Variants in TSPOAP1 observed in about 807,000 individuals in gnomAD.
TSPOAP1 encodes the protein peripheral-type benzodiazepine receptor-associated protein 1.
TSPOAP1 carries 87 observed loss-of-function variants against 197.0 expected under a neutral mutation model. The observed-to-expected ratio is 0.44, with a 90% CI of 0.37 to 0.53. The LOEUF (loss-of-function observed/expected upper bound fraction) is 0.53. TSPOAP1 is among the 20% of genes least tolerant of loss of function. The pLI is 0.00. For synonymous variants in TSPOAP1, 913 were observed against 998.9 expected (o/e 0.91, Z 1.62); for missense variants, 2,174 against 2,411.3 (o/e 0.90, Z 2.06).
In TSPOAP1 at chr17:58,309,854, C is replaced by T; in HGVS notation, c.3891+113G>A. ...TCTGCTTAGGACAGGGCCCAGGCCA[C>T]AGACCTAGAATGTTTCTGGCACTCA... On this transcript the variant is annotated intron_variant, in intron 21 of 31. Transcript: ENST00000343736. The surrounding 1 kb of genome is among the most constrained non-coding windows in gnomAD (Gnocchi z 5.0). 1 of 1,381,486 alleles carries T rather than the reference C, an allele frequency of 7.2e-7. No homozygotes were observed. Among genetic ancestry groups the T allele is most frequent in the Non-Finnish European group, 9.8e-7 (1 of 1,020,012 alleles). The allele number at this position is 1,381,486 out of a possible 1,614,324, so 85.6% of individuals were successfully genotyped here.
At position 58,328,001 on chromosome 17, in the gene TSPOAP1, C is replaced by T. The variant is rs1195147777; in HGVS notation, c.-81G>A. The T allele has an allele frequency of 2.4e-6, 3 of 1,239,540 alleles. No homozygotes were observed. The highest frequency in any genetic ancestry group is 3.3e-6 in the Non-Finnish European group (3 of 907,126). 76.8% of individuals were successfully genotyped at this position (1,239,540 alleles called of 1,614,324 possible). A position where few individuals can be genotyped will look rare whatever the true frequency, so the allele number is the denominator to read the frequency against. On this transcript the variant is annotated 5_prime_UTR_variant, in exon 1 of 32. Transcript: ENST00000343736. This position sits in a 1 kb window ranked among gnomAD's most constrained non-coding sequence, Gnocchi z 4.3. ...GGGGACTGGCGAGGGTCATGCCAGG[C>T]CAGCCCCTCTCCCCTCTGAGCTCTT... is the stretch of plus-strand genomic sequence containing the variant.
In TSPOAP1 at chr17:58,322,701, T is replaced by C. The variant is rs1350349791; in HGVS notation, c.1270A>G (p.Ser424Gly). The C allele has an allele frequency of 6.2e-7, 1 of 1,612,360 alleles. No individual in the cohort carries two copies. The highest frequency in any genetic ancestry group is 2.2e-5 in the East Asian group (1 of 44,852). ...TCCAGCTTGCTCTGCAGGCCCTGGCTCTTGCGAAGGGCTGAGTCCCTCTCC... is the reference window on the plus strand; with the variant it reads ...TCCAGCTTGCTCTGCAGGCCCTGGCCCTTGCGAAGGGCTGAGTCCCTCTCC... ...TQERDSALRKSQGLQSKLESL... is the reference protein window; with the variant it reads ...TQERDSALRKGQGLQSKLESL... Residue 424 changes from serine (S) to glycine (G), a missense_variant, in exon 9 of 32, where the codon AGC (serine) becomes GGC (glycine). By Grantham distance (56) the Ser-to-Gly change is moderately conservative (BLOSUM62 0). This residue lies in a region of TSPOAP1 where 1,933 missense variants were observed against 2,139.0 expected (regional missense o/e 0.90). Coordinates refer to ENST00000343736, the MANE Select transcript of TSPOAP1 (RefSeq NM_004758.4). The surrounding 1 kb of genome is among the most constrained non-coding windows in gnomAD (Gnocchi z 5.0).
rs1970739613 is a variant in TSPOAP1 at position 58,302,273 on chromosome 17, C to T, written c.*207G>A. 7.8e-7 allele frequency: 1 copy of T among 1,289,644 alleles called. No homozygotes were observed. The highest frequency in any genetic ancestry group is 1.0e-6 in the Non-Finnish European group (1 of 988,774). The allele number at this position is 1,289,644 out of a possible 1,614,324, so 79.9% of individuals were successfully genotyped here. ...CTGCAGGATGGGCCACAGCTTCACT[C>T]CTTCTTCCCAGAGCCCAGCCTCCTG... On this transcript the variant is annotated 3_prime_UTR_variant, in exon 32 of 32. Coordinates refer to ENST00000343736, the MANE Select transcript of TSPOAP1 (RefSeq NM_004758.4).
intron 14 of TSPOAP1, among the ~76,000 whole-genome samples, chr17:58,317,152 C>A (rs1371241582): frequency 1.3e-5 from 2 of 152,038 alleles, no homozygotes; most frequent in South Asian, 4.1e-4. Flanking sequence ...GCTGAGATTG[C>A]GCCACTGCAC....
At position 58,307,822 on chromosome 17, in the gene TSPOAP1, C is replaced by G; in HGVS notation, c.4831+20G>C. On this transcript the variant is annotated intron_variant, in intron 23 of 31. Transcript: ENST00000343736. Reference sequence around the variant, plus strand: ...AGCTCTGGCCGAGCAGCTCTAGCTCCAGCCCCATCAGGTGCTCACCTAGCT... The same window carrying G: ...AGCTCTGGCCGAGCAGCTCTAGCTCGAGCCCCATCAGGTGCTCACCTAGCT... The G allele has an allele frequency of 6.2e-7, 1 of 1,613,838 alleles. No homozygotes were observed. The highest frequency in any genetic ancestry group is 8.5e-7 in the Non-Finnish European group (1 of 1,179,944).
chr17:58,304,308 G>A lies in TSPOAP1; in HGVS notation c.*32+30C>T, dbSNP rs367657003. The A allele has an allele frequency of 1.5e-5, 24 of 1,586,224 alleles. No homozygotes were observed. Among genetic ancestry groups the A allele is most frequent in the East Asian group, 6.7e-5 (3 of 44,648 alleles). On this transcript the variant is annotated intron_variant, in intron 31 of 31. Coordinates refer to ENST00000343736, the MANE Select transcript of TSPOAP1 (RefSeq NM_004758.4). This position sits in a 1 kb window ranked among gnomAD's most constrained non-coding sequence, Gnocchi z 4.2. The stretch of plus-strand genomic sequence containing the variant: ...TGATTATGGTCAAGTGGGGGTGGAC[G>A]GTCACACAGGGGGGCAGTCCCCCAC...
chr17:58,320,537 C>A lies in TSPOAP1; in HGVS notation c.1467G>T (p.Leu489=). The change falls in exon 11 of 32, where the codon CTG becomes CTT. Residue 489 remains leucine, a synonymous_variant. Coordinates refer to ENST00000343736, the MANE Select transcript of TSPOAP1 (RefSeq NM_004758.4). ...AQREHEGAVQ[L]LESTLDSMQA... ...CCACTTCCAGGCGCCCTACCTCCAG[C>A]AGCTGCACGGCTCCTTCATGTTCCC... The A allele has an allele frequency of 1.3e-6, 2 of 1,512,284 alleles. No homozygotes were observed. Among genetic ancestry groups the A allele is most frequent in the Non-Finnish European group, 1.8e-6 (2 of 1,132,076 alleles). 93.7% of individuals were successfully genotyped at this position (1,512,284 alleles called of 1,614,324 possible).
intron 13 of TSPOAP1, 75 bp downstream of exon 13, chr17:58,319,015 G>T: frequency 7.1e-7 from 1 of 1,404,254 alleles, no homozygotes; most frequent in Non-Finnish European, 9.4e-7. Flanking sequence ...GGCCTTCTCT[G>T]ATCCTGAACT....
At chr17:58,305,342 C>A (rs1970849072) in intron 29 of TSPOAP1, 45 bp downstream of exon 29, 1 of 1,606,126 alleles carries the variant, frequency 6.2e-7, no homozygotes, top group Non-Finnish European at 8.5e-7. Context: ...TGTCCGAAGT[C>A]TGGGGGGCTG....
At chr17:58,313,502 T>C (rs1487576861) in intron 16 of TSPOAP1, among the ~76,000 whole-genome samples, 1 of 151,384 alleles carries the variant, frequency 6.6e-6, no homozygotes, top group Non-Finnish European at 1.5e-5. Context: ...TTGCAGCTAC[T>C]CAGGAGCCTG....
In TSPOAP1 at chr17:58,320,092, G is replaced by A. The variant is rs774650268; in HGVS notation, c.1494+17C>T. ...CCAGCCTGGAGAGGTGTGGGGAAGT[G>A]GAGAACGAGGCGCTACCTGCATGGA... is the stretch of plus-strand genomic sequence containing the variant. On this transcript the variant is annotated intron_variant, in intron 12 of 31. Transcript: ENST00000343736. 3.1e-6 allele frequency: 5 copies of A among 1,614,050 alleles called. No individual in the cohort carries two copies. In the South Asian group the frequency reaches 3.3e-5, roughly 11 times the overall value.
Position 58,326,634 on chromosome 17 carries a change from G to A in TSPOAP1, c.441+49C>T. ...ATGGGGTGAGGAGGGCACTGAGGCA[G>A]AGGGCCTGGCTCCAGCCAGAACGCA... On this transcript the variant is annotated intron_variant, in intron 2 of 31. Coordinates refer to ENST00000343736, the MANE Select transcript of TSPOAP1 (RefSeq NM_004758.4). This position sits in a 1 kb window ranked among gnomAD's most constrained non-coding sequence, Gnocchi z 4.7. The A allele has an allele frequency of 6.3e-7, 1 of 1,593,694 alleles. No individual in the cohort carries two copies. Among genetic ancestry groups the A allele is most frequent in the Non-Finnish European group, 8.6e-7 (1 of 1,162,484 alleles).
At chr17:58,316,697 T>A (rs1971247771) in intron 14 of TSPOAP1, among the ~76,000 whole-genome samples, 157 bp from the exon 15 acceptor site, 1 of 152,156 alleles carries the variant, frequency 6.6e-6, no homozygotes, top group Admixed American at 6.5e-5. Flanking sequence ...CCCCTGATGC[T>A]CTCTAAATTA....
chr17:58,307,988 T>C (rs1210330742), intron 22 of TSPOAP1, 47 bp from the exon 23 acceptor site: 1 of 1,539,666 alleles, frequency 6.5e-7, no homozygotes, highest in Admixed American at 1.9e-5. Context: ...ACCATCCCTC[T>C]GGTGGGCTCG....
chr17:58,319,679 C>T (rs1459503913), intron 12 of TSPOAP1, among the ~76,000 whole-genome samples: 1 of 152,266 alleles, frequency 6.6e-6, no homozygotes, highest in African/African-American at 2.4e-5. Context: ...ATCACCCTCC[C>T]ACAATCAGCA....
intron 16 of TSPOAP1, among the ~76,000 whole-genome samples, chr17:58,314,998 G>A (rs1254061426): frequency 6.6e-6 from 1 of 152,188 alleles, no homozygotes. Flanking sequence ...GTCATTTGTG[G>A]TTAGTTAATA....
rs1444155150 is a variant in TSPOAP1, at chr17:58,309,266, C to T, written c.4006G>A (p.Glu1336Lys). 2 of 1,613,950 alleles carry T rather than the reference C, an allele frequency of 1.2e-6. No homozygotes were observed. Among genetic ancestry groups the T allele is most frequent in the South Asian group, 1.1e-5 (1 of 91,080 alleles). ...SKKLFSIPEE[E>K]EEEEEDEEEE... ...TCCTCGTCCTCCTCTTCCTCTTCCT[C>T]CTCCTCCGGGATGCTAAAGAGCTTC... The change falls in exon 22 of 32, where the codon GAG (glutamate) becomes AAG (lysine). Residue 1336 changes from glutamate to lysine, a missense_variant. Physicochemically the swap from Glu to Lys is moderately conservative, Grantham distance 56 (BLOSUM62 1). Transcript: ENST00000343736. The surrounding 1 kb of genome is among the most constrained non-coding windows in gnomAD (Gnocchi z 5.0).
intron 6 of TSPOAP1, 33 bp downstream of exon 6, chr17:58,323,435 C>T (rs1971460903): frequency 6.2e-7 from 1 of 1,614,236 alleles, no homozygotes; most frequent in Non-Finnish European, 8.5e-7. Context: ...CTGCCCACAG[C>T]AGGCTGCCTC....
At position 58,312,527 on chromosome 17, in the gene TSPOAP1, G is replaced by A. The variant is rs764788919; in HGVS notation, c.2294C>T (p.Pro765Leu). Residue 765 changes from proline to leucine, a missense_variant, in exon 17 of 32, where the codon CCC becomes CTC. Transcript: ENST00000343736. ...GGQSSVGRSQ[P>L]RPEEEDAGDE... ...CCCTGCATCCTCCTCCTCAGGTCTG[G>A]GCTGGCTCCTTCCCACACTGCTTTG... 2.5e-6 allele frequency: 4 copies of A among 1,602,980 alleles called. No individual in the cohort carries two copies. Among genetic ancestry groups the A allele is most frequent in the Non-Finnish European group, 3.4e-6 (4 of 1,174,498 alleles).
Sources: allele counts gnomAD v4.1 joint callset (sites outside exome capture counted in the v4.1 genomes callset), GRCh38; gene constraint gnomAD v4.1.1; regional missense constraint gnomAD v4.1.1; non-coding constraint Gnocchi (gnomAD v3.1); transcripts MANE v1.5; gene names NCBI Gene and HGNC (gene_info 2026-07-23, HGNC 2026-07-21).